Variants in NME9 observed in about 807,000 individuals in gnomAD.
The protein encoded by NME9 is thioredoxin domain-containing protein 6.
Under a neutral mutation model 44.4 loss-of-function variants are expected in NME9, and 48 were observed. The ratio of observed to expected loss-of-function variants is 1.08; its 90% CI spans 0.86 to 1.37. The LOEUF is 1.37. Ranked by LOEUF, NME9 falls within the 40% of genes most tolerant of loss-of-function variation. The pLI, the probability that NME9 is intolerant of heterozygous loss-of-function variation, is 0.00. For missense variants in NME9, 325 were observed against 405.2 expected, an observed-to-expected ratio of 0.80 and a Z score of 1.70; for synonymous variants, 139 against 147.1, an observed-to-expected ratio of 0.94 and a Z score of 0.40.
At chr3:138,317,298 G>A (rs1005064500) in intron 4 of NME9, among the ~76,000 whole-genome samples, 5 of 152,216 alleles carry the variant, frequency 3.3e-5, no homozygotes, top group African/African-American at 9.6e-5. Flanking sequence ...AATACTTGCA[G>A]TGCTGAGGCC....
At chr3:138,262,238 A>C in exon 9 of NME9, 1 of 252,494 alleles carries the variant, frequency 4.0e-6, no homozygotes, top group Non-Finnish European at 7.5e-6. Context: ...AAAGGGAGGA[A>C]TTTAGGGGCT....
intron 8 of NME9, among the ~76,000 whole-genome samples, chr3:138,278,014 A>G (rs553796901): frequency 4.5e-4 from 68 of 152,376 alleles, no homozygotes; most frequent in Non-Finnish European, 6.8e-4. Context: ...AAAAGGCAAG[A>G]TACTATATGA....
rs372018879 is a variant in NME9 at position 138,306,392 on chromosome 3, T to C, written c.543+6A>G. The C allele has an allele frequency of 4.1e-5, 66 of 1,592,690 alleles. No homozygotes were observed. In the East Asian group the frequency reaches 6.5e-4, roughly 16 times the overall value. ...AGTGGTGCATGGTAAGTGTTGTCTC[T>C]CTTACCTTCATGATAATCTCATCAG... On this transcript the variant is annotated splice_donor_region_variant and intron_variant, in intron 7 of 10. Transcript: ENST00000333911.
At chr3:138,304,206 G>T (rs939884123) in intron 9 of NME9, among the ~76,000 whole-genome samples, 1 of 152,168 alleles carries the variant, frequency 6.6e-6, no homozygotes, top group African/African-American at 2.4e-5. Context: ...ATCCTGAGCT[G>T]GCTTTCACTA....
chr3:138,290,751 T>G (rs2050859399), intron 8 of NME9: 1 of 710,900 alleles, frequency 1.4e-6, no homozygotes, highest in African/African-American at 1.8e-5. Flanking sequence ...TTTAGATTCT[T>G]AGATTTTCTT....
At chr3:138,263,505 AACAACATAACCTGCCCCTT>A (rs2047958006) in intron 8 of NME9, 1 of 539,634 alleles carries the variant, frequency 1.9e-6, no homozygotes, top group Non-Finnish European at 3.3e-6. Context: ...TTTAAAAATA[AACAACATAACCTGCCCCTT>A]ACGCCTGTCA....
In NME9 at chr3:138,329,798, C is replaced by T. The variant is rs2054010814; in HGVS notation, c.-463G>A. The stretch of plus-strand genomic sequence containing the variant: ...CGAACGACAGGTACAAGATCTTCGA[C>T]GCGCCCGGAGTCACCAACCGAGTCT... On this transcript the variant is annotated 5_prime_UTR_variant, in exon 1 of 11. Coordinates refer to ENST00000333911, the MANE Select transcript of NME9 (RefSeq NM_001349018.2). 1 of 988,090 alleles carries T rather than the reference C, an allele frequency of 1.0e-6. No individual in the cohort carries two copies. Among genetic ancestry groups the T allele is most frequent in the Non-Finnish European group, 1.2e-6 (1 of 831,720 alleles). 61.2% of individuals were successfully genotyped at this position (988,090 alleles called of 1,614,324 possible). A position where few individuals can be genotyped will look rare whatever the true frequency, so the allele number is the denominator to read the frequency against.
chr3:138,329,501 C>A lies in NME9; in HGVS notation c.-166G>T, dbSNP rs983948459. On this transcript the variant is annotated 5_prime_UTR_variant, in exon 1 of 11. Transcript: ENST00000333911. Reference sequence around the variant, plus strand: ...AAGGTGCTTCTAACTGGCGGCAAATCAGCACACTGATACAAAGTGAACACC... The same window carrying A: ...AAGGTGCTTCTAACTGGCGGCAAATAAGCACACTGATACAAAGTGAACACC... The A allele has an allele frequency of 3.5e-5, 51 of 1,446,334 alleles. No homozygotes were observed. The highest frequency in any genetic ancestry group is 4.4e-5 in the Non-Finnish European group (49 of 1,105,750). 89.6% of individuals were successfully genotyped at this position (1,446,334 alleles called of 1,614,324 possible).
chr3:138,267,331 G>A (rs999843020), intron 8 of NME9: 6 of 757,726 alleles, frequency 7.9e-6, no homozygotes, highest in African/African-American at 3.6e-5. Flanking sequence ...TGAAATCTGT[G>A]GGTTGGGTTT....
rs150184268 is a variant in NME9, at chr3:138,314,386, C to G, written c.406G>C (p.Asp136His). Residue 136 changes from aspartate (D) to histidine (H), a missense_variant, in exon 6 of 11, where the codon GAT becomes CAT. Asp to His is a moderately conservative substitution (Grantham distance 81, BLOSUM62 -1). Transcript: ENST00000333911. ...RKVIKDEALS[D>H]EDECVSHGKN... ...CCATGGGAAACACATTCATCTTCAT[C>G]AGAAAGAGCCTCATCTTTAATCTAG... The G allele has an allele frequency of 1.8e-3, 2,903 of 1,607,572 alleles. 5 individuals carry two copies. The highest frequency in any genetic ancestry group is 2.3e-3 in the Non-Finnish European group (2,664 of 1,174,938).
intron 8 of NME9, chr3:138,274,629 T>C (rs2049100003): frequency 1.0e-6 from 1 of 987,006 alleles, no homozygotes. Context: ...TATTCAAATC[T>C]GCAGAAGACA....
intron 8 of NME9, among the ~76,000 whole-genome samples, chr3:138,269,498 C>G (rs2048578259): frequency 6.6e-6 from 1 of 152,136 alleles, no homozygotes. Context: ...ATAAGTAGTC[C>G]TGAAAATATC....
At chr3:138,282,054 C>T (rs1343364998) in intron 8 of NME9, among the ~76,000 whole-genome samples, 3 of 152,172 alleles carry the variant, frequency 2.0e-5, no homozygotes, top group South Asian at 2.1e-4. Flanking sequence ...GTGCTGCCCC[C>T]GCTCCTACTT....
intron 8 of NME9, among the ~76,000 whole-genome samples, chr3:138,272,537 G>T (rs1035402178): frequency 1.3e-5 from 2 of 152,150 alleles, no homozygotes; most frequent in Non-Finnish European, 2.9e-5. Flanking sequence ...AAAATAGATT[G>T]ATTTATCCTT....
chr3:138,311,012 A>T (rs991177109), intron 6 of NME9, among the ~76,000 whole-genome samples: 6 of 152,162 alleles, frequency 3.9e-5, no homozygotes, highest in Non-Finnish European at 7.4e-5. Context: ...CTTTAGCTAG[A>T]CTAAGAAAAA....
chr3:138,262,577 C>T, exon 9 of NME9: 2 of 1,609,018 alleles, frequency 1.2e-6, no homozygotes, highest in South Asian at 2.2e-5. Context: ...TGGCTGTGTA[C>T]TGGACTCACC....
chr3:138,324,817 A>G lies in NME9; in HGVS notation c.91+56T>C, dbSNP rs192281231. 1.2e-3 allele frequency: 1,576 copies of G among 1,354,186 alleles called. 18 individuals are homozygous for G. The South Asian group carries it at 0.012, about 10-fold the overall frequency. 83.9% of individuals were successfully genotyped at this position (1,354,186 alleles called of 1,614,324 possible). ...AGCCCTTCTCTTCATGGTTCATCAC[A>G]CCATTTAATAATTTAGAAAAGAATG... is the stretch of plus-strand genomic sequence containing the variant. On this transcript the variant is annotated intron_variant, in intron 2 of 10. Coordinates refer to ENST00000333911, the MANE Select transcript of NME9 (RefSeq NM_001349018.2).
At chr3:138,284,626 A>G (rs1221368530) in intron 8 of NME9, 4 of 891,086 alleles carry the variant, frequency 4.5e-6, no homozygotes, top group African/African-American at 1.7e-5. Flanking sequence ...GAGGAAAAGA[A>G]TAGATTACTC....
At chr3:138,319,418 T>C in intron 3 of NME9, 60 bp downstream of exon 3, 1 of 1,010,664 alleles carries the variant, frequency 9.9e-7, no homozygotes, top group Non-Finnish European at 1.6e-6. Context: ...TCCTGACTCT[T>C]TTAAATTTTT....
Sources: gnomAD v4.1 joint callset for allele counts (sites outside exome capture counted in the v4.1 genomes callset) on GRCh38, gnomAD v4.1.1 for gene constraint, MANE v1.5 for transcripts, NCBI Gene and HGNC (gene_info 2026-07-23, HGNC 2026-07-21) for gene names.